SLC43A2: variants seen among roughly 807,000 people sequenced by gnomAD.
SLC43A2 encodes large neutral amino acids transporter small subunit 4.
SLC43A2 carries 38 observed loss-of-function variants against 63.2 expected under a neutral mutation model. That is an observed-to-expected ratio of 0.60 (90% CI 0.46 to 0.79). The LOEUF is 0.79. Among genes scored for constraint, SLC43A2 ranks in the 30% least tolerant of loss-of-function variants. SLC43A2 has a pLI of 0.00. For synonymous variants in SLC43A2, 322 were observed against 331.0 expected (o/e 0.97, Z 0.30); for missense variants, 644 against 756.2 (o/e 0.85, Z 1.74).
intron 5 of SLC43A2, among the ~76,000 whole-genome samples, chr17:1,596,668 C>G (rs1265671217): frequency 1.3e-5 from 2 of 152,036 alleles, no homozygotes; most frequent in Non-Finnish European, 2.9e-5. Flanking sequence ...CAACCTCTGT[C>G]TCCTGGGTTC....
rs977424795 is a variant in SLC43A2, at chr17:1,579,376, G to A, written c.1351-1053C>T. Among the ~76,000 whole-genome samples the A allele has an allele frequency of 6.5e-4, 98 of 150,418 alleles. 4 individuals carry two copies. Among genetic ancestry groups the A allele is most frequent in the Admixed American group, 2.0e-4 (3 of 15,112 alleles). On this transcript the variant is annotated intron_variant, in intron 11 of 13. Coordinates refer to ENST00000301335, the MANE Select transcript of SLC43A2 (RefSeq NM_152346.3). ...CTCAGGAGGGTGAGGCAGGAGAATC[G>A]CTTGAACCGGGGAGGCGGAGGTTGC...
chr17:1,578,559 G>C lies in SLC43A2; in HGVS notation c.1351-236C>G. The C allele has an allele frequency of 1.9e-6, 1 of 523,638 alleles. No individual in the cohort carries two copies. The highest frequency in any genetic ancestry group is 2.6e-5 in the South Asian group (1 of 39,020). The allele number at this position is 523,638 out of a possible 1,614,324, so 32.4% of individuals were successfully genotyped here. On this transcript the variant is annotated intron_variant, in intron 11 of 13. Coordinates refer to ENST00000301335, the MANE Select transcript of SLC43A2 (RefSeq NM_152346.3). This position sits in a 1 kb window ranked among gnomAD's most constrained non-coding sequence, Gnocchi z 6.5. ...TTTGTTTTGTTTGAGAAGAAGTCTT[G>C]CTTTGTCGCCCAGGCTGGAGTGCAG...
At chr17:1,623,667 CCCTCCTCTCCTCCAGGGCGTAT>C (rs1908371953) in intron 2 of SLC43A2, among the ~76,000 whole-genome samples, 1 of 144,638 alleles carries the variant, frequency 6.9e-6, no homozygotes, top group Admixed American at 6.7e-5. Context: ...CCAGGGCGTA[CCCTCCTCTCCTCCAGGGCGTAT>C]CCTCCTCTCC....
In SLC43A2 at chr17:1,627,860, C is replaced by T. The variant is rs770177591; in HGVS notation, c.15G>A (p.Leu5=). 4.4e-5 allele frequency: 70 copies of T among 1,574,872 alleles called. No homozygotes were observed. Among genetic ancestry groups the T allele is most frequent in the Admixed American group, 1.3e-4 (7 of 54,258 alleles). Residue 5 remains leucine, a synonymous_variant, in exon 2 of 14, where the codon CTG becomes CTA. Coordinates refer to ENST00000301335, the MANE Select transcript of SLC43A2 (RefSeq NM_152346.3). MAPT[L]ATAHRRRWWM... The stretch of plus-strand genomic sequence containing the variant: ...ACCAGCGGCGCCGATGGGCAGTGGC[C>T]AGGGTGGGCGCCATGGTGCGGCGCG...
In SLC43A2 at chr17:1,578,490, A is replaced by G. The variant is rs935618818; in HGVS notation, c.1351-167T>C. The G allele has an allele frequency of 1.2e-5, 7 of 568,890 alleles. No homozygotes were observed. The highest frequency in any genetic ancestry group is 2.2e-5 in the Non-Finnish European group (7 of 320,034). The allele number at this position is 568,890 out of a possible 1,614,324, so 35.2% of individuals were successfully genotyped here. On this transcript the variant is annotated intron_variant, in intron 11 of 13. Coordinates refer to ENST00000301335, the MANE Select transcript of SLC43A2 (RefSeq NM_152346.3). The surrounding 1 kb of genome is among the most constrained non-coding windows in gnomAD (Gnocchi z 6.5). ...TGAATTTTCAGAAATTTTGCAAGCC[A>G]GTCGTTAACACAGTCATTTTTTGTT...
intron 13 of SLC43A2, 84 bp downstream of exon 13, chr17:1,576,513 G>A (rs907560597): frequency 6.3e-5 from 91 of 1,453,524 alleles, no homozygotes; most frequent in Non-Finnish European, 8.0e-5. Flanking sequence ...TCGGGGCCCT[G>A]AAGCCCCCGA....
At chr17:1,591,739 GC>G in intron 6 of SLC43A2, 40 bp from the exon 7 acceptor site, 1 of 512,308 alleles carries the variant, frequency 2.0e-6, no homozygotes, top group South Asian at 1.6e-5. Context: ...GGGGGAGGGG[GC>G]AGAGTTAGCC....
rs542895114 is a variant in SLC43A2, at chr17:1,583,615, C to T, written c.1218-279G>A. 7.9e-4 allele frequency: 289 copies of T among 367,800 alleles called. No homozygotes were observed. Among genetic ancestry groups the T allele is most frequent in the African/African-American group, 4.9e-3 (243 of 49,154 alleles). 22.8% of individuals were successfully genotyped at this position (367,800 alleles called of 1,614,324 possible). On this transcript the variant is annotated intron_variant, in intron 10 of 13. Coordinates refer to ENST00000301335, the MANE Select transcript of SLC43A2 (RefSeq NM_152346.3). The surrounding 1 kb of genome is among the most constrained non-coding windows in gnomAD (Gnocchi z 5.5). ...CTCTGTGAAGGCTGAGCTAAGACGA[C>T]GGGGAGAGAAGTAGCAGCGTGTGCC...
At chr17:1,629,478 C>T (rs1908990886), upstream of SLC43A2, among the ~76,000 whole-genome samples, 1 of 152,246 alleles carries the variant, frequency 6.6e-6, no homozygotes, top group Admixed American at 6.5e-5. Flanking sequence ...GCACCGACCC[C>T]TTCCCCTCTC....
rs1292077636 is a variant in SLC43A2, at chr17:1,575,518, G to A, written c.*86C>T. On this transcript the variant is annotated 3_prime_UTR_variant, in exon 14 of 14. Coordinates refer to ENST00000301335, the MANE Select transcript of SLC43A2 (RefSeq NM_152346.3). ...TGGCACGGAGACGGCGAAGGTCCTGGGGGTGCGTGGGGTACTCTGGAGGGG... is the reference window on the plus strand; with the variant it reads ...TGGCACGGAGACGGCGAAGGTCCTGAGGGTGCGTGGGGTACTCTGGAGGGG... The A allele has an allele frequency of 6.4e-7, 1 of 1,555,876 alleles. No individual in the cohort carries two copies. Among genetic ancestry groups the A allele is most frequent in the African/African-American group, 1.4e-5 (1 of 73,736 alleles).
rs145214696 is a variant in SLC43A2 at position 1,610,811 on chromosome 17, C to T, written c.501+2384G>A. 5.6e-3 allele frequency among the ~76,000 whole-genome samples: 841 copies of T among 150,424 alleles called. 10 individuals carry two copies. The highest frequency in any genetic ancestry group is 0.019 in the African/African-American group (787 of 41,140). ...TTCTTACTGGCCTATTAGCTCCAAC[C>T]GCAGGGTCCCTTTTAAAGTCTTTCT... On this transcript the variant is annotated intron_variant, in intron 5 of 13. Coordinates refer to ENST00000301335, the MANE Select transcript of SLC43A2 (RefSeq NM_152346.3).
At position 1,575,102 on chromosome 17, in the gene SLC43A2, GA is replaced by G; in HGVS notation, c.*501del. 5.6e-6 allele frequency: 1 copy of G among 180,028 alleles called. No individual in the cohort carries two copies. The highest frequency in any genetic ancestry group is 9.2e-5 in the South Asian group (1 of 10,900). 11.2% of individuals were successfully genotyped at this position (180,028 alleles called of 1,614,324 possible). The stretch of plus-strand genomic sequence containing the variant: ...ACAAAGGAATTAGCACCGACAACAG[GA>G]AGCGGGTCCTTCCTTCCTCAGGCAG... On this transcript the variant is annotated 3_prime_UTR_variant, in exon 14 of 14. Transcript: ENST00000301335.
chr17:1,613,242 C>G lies in SLC43A2; in HGVS notation c.454G>C (p.Ala152Pro). 3 of 1,614,104 alleles carry G rather than the reference C, an allele frequency of 1.9e-6. No homozygotes were observed. Among genetic ancestry groups the G allele is most frequent in the Non-Finnish European group, 2.5e-6 (3 of 1,180,024 alleles). The change falls in exon 5 of 14, where the codon GCT becomes CCT. Residue 152 changes from alanine (A) to proline (P), a missense_variant. Coordinates refer to ENST00000301335, the MANE Select transcript of SLC43A2 (RefSeq NM_152346.3). ...ALSVLIFIAL[A>P]LNGFGGMCMT... ...CACATCCCACCAAAGCCATTCAGAGCCAGGGCGATGAAGATGAGCACGGAG... is the reference window on the plus strand; with the variant it reads ...CACATCCCACCAAAGCCATTCAGAGGCAGGGCGATGAAGATGAGCACGGAG...
chr17:1,581,924 GC>G (rs368349970), intron 11 of SLC43A2, among the ~76,000 whole-genome samples: 2,180 of 150,586 alleles, frequency 0.014, 18 homozygotes, highest in African/African-American at 0.026. Context: ...TCCTGCCTCA[GC>G]CCTCCTGAGT....
intron 5 of SLC43A2, among the ~76,000 whole-genome samples, chr17:1,596,709 G>A (rs1408993927): frequency 2.0e-5 from 3 of 151,672 alleles, no homozygotes; most frequent in African/African-American, 4.8e-5. Context: ...CCTCCCGAGC[G>A]GCACCTCCCA....
Position 1,577,662 on chromosome 17 carries a change from G to A in SLC43A2, c.1424+588C>T, listed in dbSNP as rs1022899643. ...GATGATGTTTGAGTTTCAGTTTTTG[G>A]GTCAAGGCCTGAGCCAGAGAAGAAG... On this transcript the variant is annotated intron_variant, in intron 12 of 13. Coordinates refer to ENST00000301335, the MANE Select transcript of SLC43A2 (RefSeq NM_152346.3). The surrounding 1 kb of genome is among the most constrained non-coding windows in gnomAD (Gnocchi z 4.9). 3.3e-5 allele frequency among the ~76,000 whole-genome samples: 5 copies of A among 152,168 alleles called. No homozygotes were observed. Among genetic ancestry groups the A allele is most frequent in the East Asian group, 1.9e-4 (1 of 5,190 alleles).
intron 10 of SLC43A2, chr17:1,585,221 C>T: frequency 1.0e-6 from 1 of 993,804 alleles, no homozygotes; most frequent in Non-Finnish European, 1.2e-6. Context: ...CTTTTTCTTC[C>T]TTCTTACTCA....
chr17:1,612,841 G>C (rs1286580962), intron 5 of SLC43A2, among the ~76,000 whole-genome samples: 1 of 152,152 alleles, frequency 6.6e-6, no homozygotes, highest in African/African-American at 2.4e-5. Flanking sequence ...GTGTGGTGGC[G>C]CACGCCCATA....
In SLC43A2 at chr17:1,575,273, G is replaced by A. The variant is rs946572109; in HGVS notation, c.*331C>T. ...GCAGCCCCCTCTGCTTTGGCAAGAG[G>A]CAGAATCCAGACACTGGCGGGAGAG... On this transcript the variant is annotated 3_prime_UTR_variant, in exon 14 of 14. Transcript: ENST00000301335. 1.9e-5 allele frequency: 8 copies of A among 420,982 alleles called. No individual in the cohort carries two copies. The highest frequency in any genetic ancestry group is 3.5e-5 in the Non-Finnish European group (8 of 229,312). 26.1% of individuals were successfully genotyped at this position (420,982 alleles called of 1,614,324 possible). A position where few individuals can be genotyped will look rare whatever the true frequency, so the allele number is the denominator to read the frequency against.
Sources: allele counts gnomAD v4.1 joint callset (sites outside exome capture counted in the v4.1 genomes callset), GRCh38; gene constraint gnomAD v4.1.1; non-coding constraint Gnocchi (gnomAD v3.1); transcripts MANE v1.5; gene names NCBI Gene and HGNC (gene_info 2026-07-23, HGNC 2026-07-21).